UGGT1: variants seen among roughly 807,000 people sequenced by gnomAD.
UGGT1 encodes the protein UDP-glucose:glycoprotein glucosyltransferase 1.
UGGT1 carries 107 observed loss-of-function variants against 203.9 expected under a neutral mutation model. That is an observed-to-expected ratio of 0.52 (90% CI 0.45 to 0.62). The LOEUF is 0.62. Ranked by LOEUF, UGGT1 falls within the 20% of genes least tolerant of loss-of-function variation. The probability of loss-of-function intolerance (pLI) is 0.00; values close to 1 mark genes in which losing one functional copy is unlikely to be tolerated. For missense variants in UGGT1, 1,673 were observed against 1,867.2 expected (o/e 0.90, Z 1.92); for synonymous variants, 628 against 653.5 (o/e 0.96, Z 0.59).
intron 33 of UGGT1, 82 bp downstream of exon 33, chr2:128,178,002 G>C (rs1275920378): frequency 1.6e-6 from 2 of 1,214,984 alleles, no homozygotes; most frequent in South Asian, 1.5e-5. Flanking sequence ...TGCATCTTGT[G>C]ATTCTGTCTG....
At chr2:128,139,808 C>T (rs1015957571) in intron 16 of UGGT1, 4 of 153,536 alleles carry the variant, frequency 2.6e-5, no homozygotes, top group Admixed American at 1.3e-4. Flanking sequence ...CCTGCTCCAC[C>T]TGCTGCCGTG....
intron 1 of UGGT1, among the ~76,000 whole-genome samples, chr2:128,096,412 C>G (rs1687118705): frequency 6.6e-6 from 1 of 152,190 alleles, no homozygotes; most frequent in Non-Finnish European, 1.5e-5. Context: ...TTCACAGGAC[C>G]ACGTTCCCGC....
chr2:128,164,270 T>C (rs546185316), intron 25 of UGGT1, among the ~76,000 whole-genome samples: 1 of 152,376 alleles, frequency 6.6e-6, no homozygotes, highest in African/African-American at 2.4e-5. Flanking sequence ...CAGTATAATT[T>C]GTTTATATGT....
Position 128,189,798 on chromosome 2 carries a change from G to T in UGGT1, c.*56G>T. 1 of 1,597,356 alleles carries T rather than the reference G, an allele frequency of 6.3e-7. No individual in the cohort carries two copies. Among genetic ancestry groups the T allele is most frequent in the Non-Finnish European group, 8.6e-7 (1 of 1,168,056 alleles). On this transcript the variant is annotated 3_prime_UTR_variant, in exon 41 of 41. Coordinates refer to ENST00000259253, the MANE Select transcript of UGGT1 (RefSeq NM_020120.4). ...TTGAAAAACAGTTTTTATAATAAAT[G>T]CTAGTTTTTTCTGATCTGTCTATAC...
rs55636852 is a variant in UGGT1, at chr2:128,179,612, T to C, written c.3816-174T>C. Reference sequence around the variant, plus strand: ...TTCTCTTTAGTGATAACTTCATAAGTTGGAGTAAGTACAATTTTTCATTTT... The same window carrying C: ...TTCTCTTTAGTGATAACTTCATAAGCTGGAGTAAGTACAATTTTTCATTTT... On this transcript the variant is annotated intron_variant, in intron 34 of 40. Transcript: ENST00000259253. 4.1e-3 allele frequency among the ~76,000 whole-genome samples: 627 copies of C among 152,330 alleles called. 6 individuals carry two copies. The highest frequency in any genetic ancestry group is 0.013 in the African/African-American group (549 of 41,570).
rs1281179031 is a variant in UGGT1, at chr2:128,193,792, C to T, written c.*4050C>T. 1 of 152,218 alleles carries T rather than the reference C, an allele frequency of 6.6e-6. No homozygotes were observed. Among genetic ancestry groups the T allele is most frequent in the Non-Finnish European group, 1.5e-5 (1 of 68,074 alleles). 9.4% of individuals were successfully genotyped at this position (152,218 alleles called of 1,614,324 possible). On this transcript the variant is annotated 3_prime_UTR_variant, in exon 41 of 41. Coordinates refer to ENST00000259253, the MANE Select transcript of UGGT1 (RefSeq NM_020120.4). Reference sequence around the variant, plus strand: ...TGAGAGTGACAAGTGTAAAATGACTCCCTTCCTCCCCCGCCCTCCGGAAGT... The same window carrying T: ...TGAGAGTGACAAGTGTAAAATGACTTCCTTCCTCCCCCGCCCTCCGGAAGT...
intron 1 of UGGT1, among the ~76,000 whole-genome samples, chr2:128,096,820 A>T (rs1687135780): frequency 6.6e-6 from 1 of 152,092 alleles, no homozygotes; most frequent in Non-Finnish European, 1.5e-5. Flanking sequence ...GTTGTGTGCA[A>T]CCTGGTGTGC....
intron 38 of UGGT1, among the ~76,000 whole-genome samples, chr2:128,185,640 A>AT (rs1229903373): frequency 6.6e-6 from 1 of 151,636 alleles, no homozygotes; most frequent in Non-Finnish European, 1.5e-5. Context: ...GGCCCAGCTA[A>AT]TTTTTTGTAT....
At position 128,102,378 on chromosome 2, in the gene UGGT1, A is replaced by G. The variant is rs548230665; in HGVS notation, c.195-1554A>G. On this transcript the variant is annotated intron_variant, in intron 2 of 40. Coordinates refer to ENST00000259253, the MANE Select transcript of UGGT1 (RefSeq NM_020120.4). The stretch of plus-strand genomic sequence containing the variant: ...AGGCTGGTCTGGAACTCCTGACCTC[A>G]GGTGGTCCACCCACCTCAGCCTCCC... 2.5e-3 allele frequency among the ~76,000 whole-genome samples: 376 copies of G among 152,280 alleles called. 2 individuals are homozygous for G. Among genetic ancestry groups the G allele is most frequent in the African/African-American group, 8.7e-3 (361 of 41,572 alleles).
chr2:128,096,300 A>G (rs1337378402), intron 1 of UGGT1, among the ~76,000 whole-genome samples: 3 of 152,290 alleles, frequency 2.0e-5, no homozygotes, highest in Admixed American at 6.5e-5. Flanking sequence ...GGGACCCATT[A>G]TGTTAGTTTC....
At chr2:128,144,887 T>C (rs1689607657) in intron 17 of UGGT1, among the ~76,000 whole-genome samples, 1 of 152,244 alleles carries the variant, frequency 6.6e-6, no homozygotes, top group Admixed American at 6.5e-5. Flanking sequence ...AGGTGTGCGA[T>C]AGACATTTGT....
At position 128,181,166 on chromosome 2, in the gene UGGT1, A is replaced by G. The variant is rs145218844; in HGVS notation, c.4083+94A>G. On this transcript the variant is annotated intron_variant, in intron 36 of 40. Transcript: ENST00000259253. ...ATTTTTTCCACTTATGGAAAAGGAC[A>G]TGCTTATTTTACATTTAGAAAATAT... The G allele has an allele frequency of 4.2e-5, 51 of 1,217,332 alleles. No individual in the cohort carries two copies. The Middle Eastern group carries it at 1.6e-3, about 38-fold the overall frequency. The allele number at this position is 1,217,332 out of a possible 1,614,324, so 75.4% of individuals were successfully genotyped here.
chr2:128,156,109 A>T (rs1055527363), intron 20 of UGGT1, among the ~76,000 whole-genome samples: 1 of 152,198 alleles, frequency 6.6e-6, no homozygotes, highest in African/African-American at 2.4e-5. Context: ...CTGTTATTTT[A>T]AGTCAGCTAT....
intron 8 of UGGT1, 125 bp from the exon 9 acceptor site, chr2:128,120,231 C>G (rs549134518): frequency 9.2e-6 from 7 of 758,494 alleles, no homozygotes; most frequent in Non-Finnish European, 1.5e-5. Flanking sequence ...ATTTTTTCCC[C>G]CTATGTCGTA....
chr2:128,128,784 G>T (rs540219581), intron 12 of UGGT1, among the ~76,000 whole-genome samples: 1 of 152,092 alleles, frequency 6.6e-6, no homozygotes, highest in South Asian at 2.1e-4. Flanking sequence ...TGAGATAATT[G>T]TAAATACATA....
chr2:128,123,241 C>T lies in UGGT1; in HGVS notation c.1129C>T (p.Gln377Ter), dbSNP rs1688465358. The change falls in exon 11 of 41, where the codon CAG becomes TAG. Residue 377 changes from glutamine to a stop codon, truncating the protein, a stop_gained. Coordinates refer to ENST00000259253, the MANE Select transcript of UGGT1 (RefSeq NM_020120.4). LOFTEE classifies it high-confidence loss of function. ...SELRTEVEEN[Q>*]KYFKGTLGLQ... ...ACTTAGAACCGAAGTGGAAGAGAAT[C>T]AGAAGGTATTCACCGATAGAAAATA... The T allele has an allele frequency of 1.2e-6, 2 of 1,612,916 alleles. No homozygotes were observed. Among genetic ancestry groups the T allele is most frequent in the Non-Finnish European group, 1.7e-6 (2 of 1,179,382 alleles).
chr2:128,129,916 T>A (rs970756384), intron 13 of UGGT1, among the ~76,000 whole-genome samples: 2 of 152,194 alleles, frequency 1.3e-5, no homozygotes, highest in Non-Finnish European at 2.9e-5. Context: ...ATATAGACTT[T>A]TGCCTGCCAT....
chr2:128,093,177 C>T (rs1356927588), intron 1 of UGGT1, among the ~76,000 whole-genome samples: 2 of 152,120 alleles, frequency 1.3e-5, no homozygotes, highest in Non-Finnish European at 2.9e-5. Flanking sequence ...GGTGCTGCAT[C>T]TCTCCCCAAG....
intron 25 of UGGT1, among the ~76,000 whole-genome samples, chr2:128,163,379 T>G (rs1294578794): frequency 7.2e-5 from 11 of 151,802 alleles, no homozygotes; most frequent in African/African-American, 2.4e-4. Flanking sequence ...GAGTGTTTTT[T>G]TTTTTTTTTT....
Sources: allele counts gnomAD v4.1 joint callset (sites outside exome capture counted in the v4.1 genomes callset), GRCh38; gene constraint gnomAD v4.1.1; transcripts MANE v1.5; gene names NCBI Gene and HGNC (gene_info 2026-07-23, HGNC 2026-07-21).